The following TENM4 variants were observed in gnomAD, a reference collection of about 807,000 sequenced individuals.
TENM4 encodes teneurin transmembrane protein 4.
In TENM4, 82 loss-of-function variants were observed where a neutral mutation model predicts 243.3. The observed-to-expected ratio is 0.34, with a 90% confidence interval of 0.28 to 0.40. TENM4 has a LOEUF of 0.40. TENM4 is among the 10% of genes least tolerant of loss of function. TENM4 has a pLI of 1.00. For missense variants in TENM4, 3,138 were observed against 3,673.3 expected (o/e 0.85, Z 3.77); for synonymous variants, 1,412 against 1,456.3 (o/e 0.97, Z 0.69).
In TENM4 at chr11:78,846,572, G is replaced by A. The variant is rs117646452; in HGVS notation, c.1681+7532C>T. Among the ~76,000 whole-genome samples the A allele has an allele frequency of 7.3e-3, 1,119 of 152,310 alleles. 8 individuals are homozygous for A. The highest frequency in any genetic ancestry group is 0.011 in the Non-Finnish European group (766 of 68,030). On this transcript the variant is annotated intron_variant, in intron 12 of 33. Transcript: ENST00000278550. ...GTTAAAGCATCATGCAAGGTGCTTCGAGGCATAATGGAAAACGTCCATGGT... is the reference window on the plus strand; with the variant it reads ...GTTAAAGCATCATGCAAGGTGCTTCAAGGCATAATGGAAAACGTCCATGGT...
intron 6 of TENM4, among the ~76,000 whole-genome samples, chr11:78,943,093 C>T (rs974881560): frequency 2.0e-5 from 3 of 152,194 alleles, no homozygotes; most frequent in African/African-American, 7.2e-5. Flanking sequence ...GCTATTAGCT[C>T]CAGAGAAGAG....
intron 1 of TENM4, among the ~76,000 whole-genome samples, chr11:79,312,085 G>T (rs1019095318): frequency 6.6e-6 from 1 of 152,218 alleles, no homozygotes; most frequent in Admixed American, 6.5e-5. Context: ...AAACCCACAG[G>T]AAGAGCTCCC....
At chr11:79,251,043 T>C (rs1383539803) in intron 2 of TENM4, among the ~76,000 whole-genome samples, 1 of 152,094 alleles carries the variant, frequency 6.6e-6, no homozygotes, top group Non-Finnish European at 1.5e-5. Flanking sequence ...AAAAAAGCAA[T>C]TAAGAAACAT....
At chr11:79,123,027 C>A (rs189796490) in intron 4 of TENM4, among the ~76,000 whole-genome samples, 1 of 152,310 alleles carries the variant, frequency 6.6e-6, no homozygotes, top group Non-Finnish European at 1.5e-5. Flanking sequence ...CATCCTGGCT[C>A]TTCCTGATGC....
chr11:79,262,025 T>C (rs1855807356), intron 2 of TENM4, among the ~76,000 whole-genome samples: 1 of 152,204 alleles, frequency 6.6e-6, no homozygotes, highest in Non-Finnish European at 1.5e-5. Flanking sequence ...GATAGATTAC[T>C]TTTCTTGAGG....
intron 12 of TENM4, among the ~76,000 whole-genome samples, chr11:78,818,715 C>T (rs573012635): frequency 1.3e-5 from 2 of 152,076 alleles, no homozygotes; most frequent in Admixed American, 6.5e-5. Flanking sequence ...AACTTTAATG[C>T]GTAAGTACTG....
At chr11:79,169,692 T>C (rs1862996650) in intron 3 of TENM4, among the ~76,000 whole-genome samples, 1 of 152,182 alleles carries the variant, frequency 6.6e-6, no homozygotes, top group Admixed American at 6.5e-5. Context: ...CCAATTCTGC[T>C]GTGGCCAGAG....
At chr11:78,709,902 C>T (rs956112965) in intron 26 of TENM4, among the ~76,000 whole-genome samples, 1 of 152,148 alleles carries the variant, frequency 6.6e-6, no homozygotes, top group Non-Finnish European at 1.5e-5. Flanking sequence ...GGTTCAGAAT[C>T]GCAAGAATCA....
chr11:78,794,392 A>C (rs948752078), intron 15 of TENM4, among the ~76,000 whole-genome samples: 1 of 152,196 alleles, frequency 6.6e-6, no homozygotes, highest in African/African-American at 2.4e-5. Context: ...GCAGCACTAA[A>C]CTATTGGCCT....
chr11:78,844,817 A>G (rs2136182570), intron 12 of TENM4, among the ~76,000 whole-genome samples: 1 of 152,316 alleles, frequency 6.6e-6, no homozygotes, highest in Non-Finnish European at 1.5e-5. Context: ...AGTGTTCAGA[A>G]CTGTGAGAAA....
At chr11:79,198,794 C>A (rs1260812333) in intron 3 of TENM4, among the ~76,000 whole-genome samples, 1 of 152,188 alleles carries the variant, frequency 6.6e-6, no homozygotes, top group Non-Finnish European at 1.5e-5. Context: ...CCTTGCGGAG[C>A]TTTCCTTCTG....
At chr11:78,963,875 G>A (rs1857383521) in intron 6 of TENM4, among the ~76,000 whole-genome samples, 1 of 151,176 alleles carries the variant, frequency 6.6e-6, no homozygotes, top group African/African-American at 2.4e-5. Context: ...GGGATTACAG[G>A]TGCCTGCCAC....
intron 6 of TENM4, among the ~76,000 whole-genome samples, chr11:78,917,730 G>A (rs1194858467): frequency 1.3e-5 from 2 of 152,144 alleles, no homozygotes; most frequent in East Asian, 1.9e-4. Flanking sequence ...TTAGGCCACT[G>A]TCTTTCCATT....
chr11:79,102,266 G>C (rs556723536), intron 4 of TENM4, among the ~76,000 whole-genome samples: 2 of 152,292 alleles, frequency 1.3e-5, no homozygotes, highest in East Asian at 3.9e-4. Context: ...ATCTGTTGCA[G>C]TCATACATTG....
intron 3 of TENM4, among the ~76,000 whole-genome samples, chr11:79,177,251 C>G (rs941210369): frequency 1.2e-4 from 18 of 152,032 alleles, no homozygotes; most frequent in African/African-American, 3.6e-4. Flanking sequence ...GGGTTGGAGC[C>G]CCCTTGGTTT....
intron 6 of TENM4, among the ~76,000 whole-genome samples, chr11:79,021,205 A>C (rs1348443043): frequency 6.6e-6 from 1 of 152,206 alleles, no homozygotes; most frequent in African/African-American, 2.4e-5. Context: ...GAGGGTTTCT[A>C]AGTCTCTTCT....
intron 6 of TENM4, among the ~76,000 whole-genome samples, chr11:79,034,944 G>A (rs1036068692): frequency 3.9e-5 from 6 of 152,290 alleles, no homozygotes; most frequent in Middle Eastern, 3.4e-3. Context: ...GCTACTGGAG[G>A]GGGTCTGAGG....
chr11:78,853,956 C>G, intron 12 of TENM4, 148 bp downstream of exon 12: 1 of 737,896 alleles, frequency 1.4e-6, no homozygotes, highest in East Asian at 2.8e-5. Context: ...CCCTGTGTAG[C>G]AGGCCCAGTC....
intron 5 of TENM4, 55 bp downstream of exon 5, chr11:79,069,667 T>A: frequency 6.6e-7 from 1 of 1,508,312 alleles, no homozygotes; most frequent in Non-Finnish European, 8.9e-7. Context: ...AGCCCATGCC[T>A]ACCTGAGCCA....
Sources: allele counts gnomAD v4.1 joint callset (sites outside exome capture counted in the v4.1 genomes callset), GRCh38; gene constraint gnomAD v4.1.1; transcripts MANE v1.5; gene names NCBI Gene and HGNC (gene_info 2026-07-23, HGNC 2026-07-21).